Variants in TANGO2 observed in about 807,000 individuals in gnomAD.
TANGO2 encodes transport and golgi organization 2 homolog, also known as transport and Golgi organization protein 2 homolog.
A neutral mutation model predicts 39.1 loss-of-function variants in TANGO2; 26 were observed. The observed-to-expected ratio is 0.67, with a 90% CI of 0.49 to 0.92. TANGO2 has a LOEUF of 0.92. Among genes scored for constraint, TANGO2 ranks in the 40% least tolerant of loss-of-function variants. The pLI is 0.00. For synonymous variants in TANGO2, 131 were observed against 144.5 expected (o/e 0.91, Z 0.67); for missense variants, 326 against 360.1 (o/e 0.91, Z 0.77).
rs1484767555 is a variant in TANGO2 at position 20,065,879 on chromosome 22, C to G, written c.*1217C>G. ...AGGCAAACTTCATAGGAATCTGTAC[C>G]TGAATGTGAGCTCCTGATAATAAAA... On this transcript the variant is annotated 3_prime_UTR_variant, in exon 9 of 9. Transcript: ENST00000327374. 1 of 152,338 alleles carries G rather than the reference C, an allele frequency of 6.6e-6. No individual in the cohort carries two copies. Among genetic ancestry groups the G allele is most frequent in the African/African-American group, 2.4e-5 (1 of 41,440 alleles). 9.4% of individuals were successfully genotyped at this position (152,338 alleles called of 1,614,324 possible).
chr22:20,052,649 G>A, intron 4 of TANGO2, 65 bp downstream of exon 4: 1 of 1,530,998 alleles, frequency 6.5e-7, no homozygotes, highest in Middle Eastern at 2.3e-4. Context: ...GGTGAGACAA[G>A]GTGGGGCCAA....
In TANGO2 at chr22:20,057,360, G is replaced by A. The variant is rs1401034888; in HGVS notation, c.451+1347G>A. On this transcript the variant is annotated intron_variant, in intron 6 of 8. Coordinates refer to ENST00000327374, the MANE Select transcript of TANGO2 (RefSeq NM_152906.7). This position sits in a 1 kb window ranked among gnomAD's most constrained non-coding sequence, Gnocchi z 4.1. ...ATTTGCTAGGGTGGTGCCCAGACCCGAACCCCTGGGCTAGTTGGGATCTCC... is the reference window on the plus strand; with the variant it reads ...ATTTGCTAGGGTGGTGCCCAGACCCAAACCCCTGGGCTAGTTGGGATCTCC... Among the ~76,000 whole-genome samples the A allele has an allele frequency of 2.6e-5, 4 of 152,262 alleles. No homozygotes were observed. Among genetic ancestry groups the A allele is most frequent in the Non-Finnish European group, 2.9e-5 (2 of 68,014 alleles).
At chr22:20,058,635 G>A (rs574505302) in intron 6 of TANGO2, among the ~76,000 whole-genome samples, 1 of 141,374 alleles carries the variant, frequency 7.1e-6, no homozygotes, top group Non-Finnish European at 1.6e-5. Flanking sequence ...GAGTGAGATT[G>A]CATCTCAAAA....
chr22:20,033,822 TG>T (rs1416227573), intron 1 of TANGO2, among the ~76,000 whole-genome samples: 1 of 152,292 alleles, frequency 6.6e-6, no homozygotes, highest in Non-Finnish European at 1.5e-5. Flanking sequence ...GGGATGGTTC[TG>T]CATCATCAGC....
upstream of TANGO2, chr22:20,019,253 C>T (rs759248928): frequency 2.6e-5 from 4 of 152,170 alleles, no homozygotes; most frequent in Non-Finnish European, 5.9e-5. Context: ...GTGTCAAGAA[C>T]TTTTCAAGAG....
At chr22:20,056,597 C>T (rs557568309) in intron 6 of TANGO2, 8 of 456,712 alleles carry the variant, frequency 1.8e-5, no homozygotes, top group South Asian at 6.2e-5. Flanking sequence ...TCCCCCTCCT[C>T]GGGTGCTGCG....
chr22:20,033,769 C>G (rs536499825), intron 1 of TANGO2, among the ~76,000 whole-genome samples: 5 of 152,378 alleles, frequency 3.3e-5, no homozygotes, highest in African/African-American at 1.2e-4. Flanking sequence ...CTTGGGTGCA[C>G]TCCCAAAGCC....
chr22:20,028,844 C>T (rs988614422), intron 1 of TANGO2, among the ~76,000 whole-genome samples: 1 of 152,192 alleles, frequency 6.6e-6, no homozygotes, highest in African/African-American at 2.4e-5. Context: ...CCCTCGTCCC[C>T]CTTGCTTCTT....
intron 4 of TANGO2, 69 bp from the exon 5 acceptor site, chr22:20,053,368 A>G (rs759565064): frequency 6.0e-5 from 69 of 1,148,126 alleles, no homozygotes; most frequent in Non-Finnish European, 8.3e-5. Flanking sequence ...AGGGGGCCCC[A>G]TATCAGTGTT....
chr22:20,027,383 C>A (rs571545355), intron 1 of TANGO2, among the ~76,000 whole-genome samples: 1 of 152,130 alleles, frequency 6.6e-6, no homozygotes, highest in Non-Finnish European at 1.5e-5. Context: ...CTTGATGGGA[C>A]GAAGACACCA....
At position 20,064,659 on chromosome 22, in the gene TANGO2, C is replaced by T. The variant is rs2147866464; in HGVS notation, c.828C>T (p.Ser276=). Residue 276 remains serine (S), a synonymous_variant, in exon 9 of 9, where the codon AGC becomes AGT. Transcript: ENST00000327374. ...GAACCTATGAGTTCACACTGCAGAG[C>T]TAACCCCACCTCTGGGCCTGGCCAG... ...ETRTYEFTLQ[S] is the part of the protein sequence containing the mutation. The T allele has an allele frequency of 6.2e-7, 1 of 1,614,076 alleles. No homozygotes were observed. Among genetic ancestry groups the T allele is most frequent in the African/African-American group, 1.3e-5 (1 of 75,074 alleles).
chr22:20,037,174 C>A (rs941217943), intron 2 of TANGO2: 3 of 1,441,786 alleles, frequency 2.1e-6, no homozygotes, highest in Non-Finnish European at 2.8e-6. Flanking sequence ...AGAACTGGGA[C>A]AACGGCGTCA....
chr22:20,031,397 C>G (rs942999901), intron 1 of TANGO2, among the ~76,000 whole-genome samples: 1 of 152,208 alleles, frequency 6.6e-6, no homozygotes, highest in African/African-American at 2.4e-5. Context: ...CTTGTCCTGG[C>G]TCAGGAACCT....
chr22:20,029,468 G>T (rs901648893), intron 1 of TANGO2, among the ~76,000 whole-genome samples: 3 of 152,354 alleles, frequency 2.0e-5, no homozygotes, highest in African/African-American at 7.2e-5. Context: ...CTAGGGGAAC[G>T]TATGCTGGGA....
At chr22:20,060,444 A>G (rs780382459) in intron 6 of TANGO2, among the ~76,000 whole-genome samples, 20 of 151,364 alleles carry the variant, frequency 1.3e-4, no homozygotes, top group Admixed American at 3.9e-4. Context: ...TTTTGTAGAG[A>G]TAAGGCCTCA....
intron 1 of TANGO2, among the ~76,000 whole-genome samples, chr22:20,025,120 C>T (rs1027385795): frequency 5.3e-5 from 8 of 149,684 alleles, no homozygotes; most frequent in East Asian, 2.1e-4. Flanking sequence ...GCAGGAGAAT[C>T]GCTTGAATAC....
intron 7 of TANGO2, among the ~76,000 whole-genome samples, chr22:20,062,618 C>G (rs764169677): frequency 7.9e-5 from 12 of 152,222 alleles, no homozygotes; most frequent in Non-Finnish European, 1.5e-4. Context: ...TGGGGCAGGC[C>G]GAGGACCGGC....
At chr22:20,043,670 G>A (rs1489307002) in intron 3 of TANGO2, among the ~76,000 whole-genome samples, 1 of 152,178 alleles carries the variant, frequency 6.6e-6, no homozygotes, top group African/African-American at 2.4e-5. Flanking sequence ...CTGCATGGGG[G>A]CCCCATCATG....
chr22:20,056,015 T>G lies in TANGO2; in HGVS notation c.451+2T>G. 3 of 1,612,826 alleles carry G rather than the reference T, an allele frequency of 1.9e-6. No individual in the cohort carries two copies. Among genetic ancestry groups the G allele is most frequent in the Non-Finnish European group, 2.5e-6 (3 of 1,178,760 alleles). ...CTGATCCTATCGTTTTGACGCCAGG[T>G]GAGCCTGCCCTGGCAGCCTGATGGG... On this transcript the variant is annotated splice_donor_variant, in intron 6 of 8. Coordinates refer to ENST00000327374, the MANE Select transcript of TANGO2 (RefSeq NM_152906.7). LOFTEE classifies it high-confidence loss of function.
Sources: gnomAD v4.1 joint callset for allele counts (sites outside exome capture counted in the v4.1 genomes callset) on GRCh38, gnomAD v4.1.1 for gene constraint, Gnocchi (gnomAD v3.1) non-coding constraint, MANE v1.5 for transcripts, NCBI Gene and HGNC (gene_info 2026-07-23, HGNC 2026-07-21) for gene names.